Variants in SCUBE2 observed in about 807,000 individuals in gnomAD.
SCUBE2 encodes signal peptide, CUB domain and EGF like domain containing 2.
SCUBE2 carries 114 observed loss-of-function variants against 125.9 expected under a neutral mutation model. That is an observed-to-expected ratio of 0.91 (90% CI 0.78 to 1.06). The LOEUF (loss-of-function observed/expected upper bound fraction) is 1.06, where lower values mean the gene tolerates loss of function less well. SCUBE2 is among the 50% of genes least tolerant of loss of function. SCUBE2 has a pLI of 0.00. For missense variants in SCUBE2, 1,255 were observed against 1,301.8 expected, an observed-to-expected ratio of 0.96 and a Z score of 0.55; for synonymous variants, 459 against 492.9, an observed-to-expected ratio of 0.93 and a Z score of 0.91.
chr11:9,053,876 G>A lies in SCUBE2; in HGVS notation c.1208-117C>T, dbSNP rs1242232852. 8.6e-6 allele frequency: 11 copies of A among 1,274,318 alleles called. No homozygotes were observed. The South Asian group carries it at 1.4e-4, about 17-fold the overall frequency. 78.9% of individuals were successfully genotyped at this position (1,274,318 alleles called of 1,614,324 possible). A position where few individuals can be genotyped will look rare whatever the true frequency, so the allele number is the denominator to read the frequency against. ...CAAGGTTGAAACTCACTAACCAAAGGAAGACACTGAATGCCTTTAGCATGA... is the reference window on the plus strand; with the variant it reads ...CAAGGTTGAAACTCACTAACCAAAGAAAGACACTGAATGCCTTTAGCATGA... On this transcript the variant is annotated intron_variant, in intron 10 of 22. Transcript: ENST00000649792.
intron 13 of SCUBE2, 65 bp downstream of exon 13, chr11:9,052,681 C>T: frequency 8.4e-7 from 1 of 1,187,070 alleles, no homozygotes; most frequent in Non-Finnish European, 1.2e-6. Flanking sequence ...AAGAACAGCA[C>T]CCCGTGAATG....
chr11:9,030,099 C>T (rs1856173524), intron 18 of SCUBE2, 54 bp from the exon 19 acceptor site: 4 of 1,565,152 alleles, frequency 2.6e-6, no homozygotes, highest in South Asian at 1.1e-5. Flanking sequence ...TATTTTTAAT[C>T]AAATGCAGCA....
chr11:9,048,238 G>A, intron 14 of SCUBE2, 140 bp from the exon 15 acceptor site: 1 of 762,186 alleles, frequency 1.3e-6, no homozygotes, highest in East Asian at 2.5e-5. Context: ...GACACTGCAA[G>A]CCCTTAACTT....
chr11:9,038,538 C>T (rs1446991277), intron 16 of SCUBE2, among the ~76,000 whole-genome samples: 1 of 152,090 alleles, frequency 6.6e-6, no homozygotes, highest in Non-Finnish European at 1.5e-5. Flanking sequence ...TAGCTTGAGC[C>T]CAGGAGGCGG....
intron 8 of SCUBE2, 187 bp from the exon 9 acceptor site, chr11:9,059,612 G>T: frequency 1.4e-6 from 1 of 730,818 alleles, no homozygotes; most frequent in Non-Finnish European, 2.1e-6. Flanking sequence ...AACCAGTTTT[G>T]AAAGACAAGT....
At chr11:9,089,870 G>A in intron 1 of SCUBE2, 41 bp from the exon 2 acceptor site, 1 of 1,605,142 alleles carries the variant, frequency 6.2e-7, no homozygotes, top group Non-Finnish European at 8.5e-7. Flanking sequence ...AGGCTCCCAG[G>A]CCATGTGTGA....
At chr11:9,060,074 A>G (rs1859508022) in intron 8 of SCUBE2, among the ~76,000 whole-genome samples, 3 of 152,202 alleles carry the variant, frequency 2.0e-5, no homozygotes, top group Admixed American at 2.0e-4. Context: ...TCTCTAGGCT[A>G]TTATGTATGA....
intron 16 of SCUBE2, among the ~76,000 whole-genome samples, chr11:9,044,749 C>G (rs1857538495): frequency 6.6e-6 from 1 of 152,116 alleles, no homozygotes; most frequent in African/African-American, 2.4e-5. Context: ...TCTCTCAGCT[C>G]TCATCCTTCT....
intron 3 of SCUBE2, among the ~76,000 whole-genome samples, chr11:9,075,514 A>G (rs1418153253): frequency 6.6e-6 from 1 of 152,222 alleles, no homozygotes; most frequent in Non-Finnish European, 1.5e-5. Flanking sequence ...CATAGGGCAC[A>G]TGAGGGAGGT....
chr11:9,038,504 T>C (rs1856929960), intron 16 of SCUBE2, among the ~76,000 whole-genome samples: 3 of 152,040 alleles, frequency 2.0e-5, no homozygotes, highest in Admixed American at 2.0e-4. Context: ...TAGCTGAGCG[T>C]GGTAGTGCAT....
Position 9,027,533 on chromosome 11 carries a change from A to G in SCUBE2, c.2532T>C (p.Asp844=). 3 of 1,613,762 alleles carry G rather than the reference A, an allele frequency of 1.9e-6. No homozygotes were observed. The highest frequency in any genetic ancestry group is 2.5e-6 in the Non-Finnish European group (3 of 1,179,894). The change falls in exon 20 of 23, where the codon GAT becomes GAC. Residue 844 remains aspartate, a synonymous_variant. Transcript: ENST00000649792. ...TTGGGGATTCAATGTACCCAGTGAA[A>G]TCTCCCAGCTCCCCTCCACATCTTC... ...KNRRCGGELG[D]FTGYIESPNY...
At chr11:9,024,188 C>A in intron 21 of SCUBE2, 1 of 1,062,792 alleles carries the variant, frequency 9.4e-7, no homozygotes, top group Non-Finnish European at 1.1e-6. Flanking sequence ...AAGACATTTT[C>A]ATGTGTCACA....
In SCUBE2 at chr11:9,033,655, G is replaced by C; in HGVS notation, c.2144C>G (p.Pro715Arg). ...RPGNSGALKT[P>R]EAWNMSECGG... Reference sequence around the variant, plus strand: ...ACATTCAGACATATTCCAAGCTTCTGGGGTCTTCAGGGCCCCAGAATTTCC... The same window carrying C: ...ACATTCAGACATATTCCAAGCTTCTCGGGTCTTCAGGGCCCCAGAATTTCC... Residue 715 changes from proline to arginine, a missense_variant, in exon 17 of 23, where the codon CCA becomes CGA. Coordinates refer to ENST00000649792, the MANE Select transcript of SCUBE2 (RefSeq NM_001367977.2). 1 of 1,614,086 alleles carries C rather than the reference G, an allele frequency of 6.2e-7. No individual in the cohort carries two copies. Among genetic ancestry groups the C allele is most frequent in the Non-Finnish European group, 8.5e-7 (1 of 1,180,016 alleles).
chr11:9,061,373 G>T (rs1287442954), intron 7 of SCUBE2, among the ~76,000 whole-genome samples: 5 of 150,896 alleles, frequency 3.3e-5, no homozygotes, highest in Admixed American at 3.3e-4. Context: ...CCTGGGCCAC[G>T]TGGTGAGACC....
intron 13 of SCUBE2, among the ~76,000 whole-genome samples, chr11:9,051,978 A>G (rs1043413056): frequency 6.6e-6 from 1 of 152,198 alleles, no homozygotes; most frequent in Non-Finnish European, 1.5e-5. Context: ...GCCTGGGTTC[A>G]AATCCCAGCT....
At chr11:9,048,435 C>T (rs766299911) in intron 14 of SCUBE2, among the ~76,000 whole-genome samples, 1 of 152,200 alleles carries the variant, frequency 6.6e-6, no homozygotes, top group African/African-American at 2.4e-5. Context: ...CGTGTGCTTA[C>T]ACTCTCACAG....
chr11:9,054,601 G>A (rs1318911671), intron 10 of SCUBE2, among the ~76,000 whole-genome samples: 2 of 150,378 alleles, frequency 1.3e-5, no homozygotes, highest in Non-Finnish European at 3.0e-5. Flanking sequence ...ACATTTCCTC[G>A]AGGTTTCCTG....
At chr11:9,032,950 C>A (rs1284374717) in intron 17 of SCUBE2, among the ~76,000 whole-genome samples, 2 of 152,144 alleles carry the variant, frequency 1.3e-5, no homozygotes, top group Non-Finnish European at 2.9e-5. Flanking sequence ...GGGAGTCACT[C>A]CAAGGACAGC....
In SCUBE2 at chr11:9,022,006, AACTC is replaced by A. The variant is rs773721450; in HGVS notation, c.2855-55_2855-52del. On this transcript the variant is annotated intron_variant, in intron 21 of 22. Coordinates refer to ENST00000649792, the MANE Select transcript of SCUBE2 (RefSeq NM_001367977.2). ...CATTCTTATGATTTAGTTGCTTCCA[AACTC>A]ACTCTTTCACTTTTTGATAAGGTTC... 28 of 1,344,970 alleles carry A rather than the reference AACTC, an allele frequency of 2.1e-5. 1 individual carries two copies. In the Middle Eastern group the frequency reaches 1.3e-3, roughly 61 times the overall value. 83.3% of individuals were successfully genotyped at this position (1,344,970 alleles called of 1,614,324 possible).
Sources: gnomAD v4.1 joint callset for allele counts (sites outside exome capture counted in the v4.1 genomes callset) on GRCh38, gnomAD v4.1.1 for gene constraint, MANE v1.5 for transcripts, NCBI Gene and HGNC (gene_info 2026-07-23, HGNC 2026-07-21) for gene names.